ADAM12: variants seen among roughly 807,000 people sequenced by gnomAD.
ADAM12 encodes the protein disintegrin and metalloproteinase domain-containing protein 12.
A neutral mutation model predicts 106.4 loss-of-function variants in ADAM12; 70 were observed. The observed-to-expected ratio is 0.66, with a 90% confidence interval of 0.54 to 0.80. ADAM12 has a LOEUF of 0.80. ADAM12 is among the 30% of genes least tolerant of loss of function. The pLI is 0.00. For synonymous variants in ADAM12, 420 were observed against 433.5 expected (o/e 0.97, Z 0.39); for missense variants, 1,010 against 1,171.9 (o/e 0.86, Z 2.02).
intron 8 of ADAM12, among the ~76,000 whole-genome samples, chr10:126,106,631 G>A (rs973989208): frequency 7.2e-5 from 11 of 151,784 alleles, no homozygotes; most frequent in South Asian, 2.1e-4. Flanking sequence ...GACTACAGGC[G>A]CATGCCACCA....
chr10:126,045,577 C>T (rs1013903876), intron 17 of ADAM12, among the ~76,000 whole-genome samples: 2 of 152,084 alleles, frequency 1.3e-5, no homozygotes, highest in African/African-American at 2.4e-5. Context: ...CCTCTTCTAC[C>T]CTAAAGGTTC....
intron 1 of ADAM12, 102 bp downstream of exon 1, chr10:126,387,956 C>T (rs1170287461): frequency 1.2e-5 from 14 of 1,159,202 alleles, no homozygotes; most frequent in Non-Finnish European, 1.4e-5. Context: ...TGCGCCGGGG[C>T]GCGTCGCCCC....
At chr10:126,213,392 A>C (rs1957935126) in intron 3 of ADAM12, among the ~76,000 whole-genome samples, 1 of 152,212 alleles carries the variant, frequency 6.6e-6, no homozygotes, top group African/African-American at 2.4e-5. Context: ...TGATCCCCAG[A>C]TTATATGCCA....
chr10:126,268,650 T>C (rs547418333), intron 3 of ADAM12, among the ~76,000 whole-genome samples: 2 of 152,328 alleles, frequency 1.3e-5, no homozygotes, highest in South Asian at 4.1e-4. Flanking sequence ...AAAACAGAGC[T>C]GTGACTATCA....
At chr10:126,334,690 G>A (rs1854634383) in intron 1 of ADAM12, among the ~76,000 whole-genome samples, 1 of 152,176 alleles carries the variant, frequency 6.6e-6, no homozygotes, top group African/African-American at 2.4e-5. Context: ...CTGGCTGCCT[G>A]CATGAGTCCT....
chr10:126,211,874 G>A (rs1250911489), intron 3 of ADAM12, among the ~76,000 whole-genome samples: 2 of 152,218 alleles, frequency 1.3e-5, no homozygotes, highest in South Asian at 2.1e-4. Context: ...CGCGTGAGTC[G>A]ATAAACACCC....
chr10:126,018,621 A>C (rs1254455451), intron 22 of ADAM12, among the ~76,000 whole-genome samples: 1 of 152,208 alleles, frequency 6.6e-6, no homozygotes, highest in Non-Finnish European at 1.5e-5. Context: ...TGTATAATTT[A>C]ATCCTTAATA....
intron 2 of ADAM12, among the ~76,000 whole-genome samples, chr10:126,279,336 G>C (rs1403984662): frequency 1.3e-5 from 2 of 152,006 alleles, no homozygotes; most frequent in Non-Finnish European, 2.9e-5. Flanking sequence ...GGTGGCTGAG[G>C]CGAGAGATCA....
intron 22 of ADAM12, among the ~76,000 whole-genome samples, chr10:126,017,672 G>A (rs1172127178): frequency 6.6e-6 from 1 of 152,166 alleles, no homozygotes; most frequent in African/African-American, 2.4e-5. Context: ...TATTTCAACA[G>A]GTCATCATCA....
At chr10:126,190,102 C>T (rs544063045) in intron 3 of ADAM12, among the ~76,000 whole-genome samples, 1 of 152,280 alleles carries the variant, frequency 6.6e-6, no homozygotes, top group African/African-American at 2.4e-5. Context: ...GCTTCCCCAC[C>T]TGTTGAGACA....
At chr10:126,387,374 G>C (rs1404931225) in intron 1 of ADAM12, among the ~76,000 whole-genome samples, 1 of 152,094 alleles carries the variant, frequency 6.6e-6, no homozygotes, top group Non-Finnish European at 1.5e-5. Flanking sequence ...CAAGTTGATG[G>C]GGGCGATTAT....
chr10:126,080,206 C>T (rs183108555), intron 11 of ADAM12, among the ~76,000 whole-genome samples: 4 of 152,188 alleles, frequency 2.6e-5, no homozygotes, highest in Admixed American at 1.3e-4. Context: ...CTTTATTCCC[C>T]GGAGCATCCA....
intron 16 of ADAM12, among the ~76,000 whole-genome samples, chr10:126,046,765 T>G (rs1182925533): frequency 7.7e-6 from 1 of 130,704 alleles, no homozygotes; most frequent in Non-Finnish European, 1.5e-5. Context: ...ATCATGCTAC[T>G]GCACTCCAGT....
At position 126,038,364 on chromosome 10, in the gene ADAM12, CA is replaced by C. The variant is rs55912492; in HGVS notation, c.2241-16del. The C allele has an allele frequency of 1.8e-3, 2,745 of 1,550,646 alleles. 8 individuals are homozygous for C. Among genetic ancestry groups the C allele is most frequent in the Non-Finnish European group, 2.2e-3 (2,526 of 1,146,770 alleles). On this transcript the variant is annotated splice_polypyrimidine_tract_variant and intron_variant, in intron 19 of 22. Coordinates refer to ENST00000448723, the MANE Select transcript of ADAM12 (RefSeq NM_001288973.2). The stretch of plus-strand genomic sequence containing the variant: ...GGCGCACACACCTGCAACAGAATCC[CA>C]TACCTGCTGACCAAGCGTGTTTCCC...
intron 2 of ADAM12, among the ~76,000 whole-genome samples, chr10:126,285,387 T>C (rs1178884254): frequency 6.6e-6 from 1 of 152,260 alleles, no homozygotes; most frequent in Non-Finnish European, 1.5e-5. Context: ...TCTTAGGCCA[T>C]AAGGCACTGA....
At chr10:126,054,335 T>A (rs747063641) in intron 14 of ADAM12, among the ~76,000 whole-genome samples, 16 of 152,248 alleles carry the variant, frequency 1.1e-4, no homozygotes, top group Non-Finnish European at 2.1e-4. Flanking sequence ...TGCCTTTTTT[T>A]AAACCTGATT....
intron 3 of ADAM12, among the ~76,000 whole-genome samples, chr10:126,268,044 A>G (rs10901579): frequency 0.64 from 97,076 of 151,852 alleles, 33,642 homozygotes; most frequent in Non-Finnish European, 0.78. Context: ...ACAATTTTGT[A>G]CAACCATCAC....
intron 5 of ADAM12, among the ~76,000 whole-genome samples, chr10:126,123,713 G>T (rs1048873071): frequency 3.3e-5 from 5 of 152,218 alleles, no homozygotes; most frequent in Admixed American, 6.5e-5. Context: ...TGTGCCCCGG[G>T]CTTGGGCCTC....
chr10:126,018,436 A>AAG (rs1953699579), intron 22 of ADAM12, among the ~76,000 whole-genome samples: 7 of 152,216 alleles, frequency 4.6e-5, no homozygotes, highest in Non-Finnish European at 8.8e-5. Context: ...ACCACCTGAC[A>AAG]TCACTAAACA....
Sources: gnomAD v4.1 joint callset for allele counts (sites outside exome capture counted in the v4.1 genomes callset) on GRCh38, gnomAD v4.1.1 for gene constraint, MANE v1.5 for transcripts, NCBI Gene and HGNC (gene_info 2026-07-23, HGNC 2026-07-21) for gene names.